Variants in MBNL2 observed in about 807,000 individuals in gnomAD.
MBNL2 encodes the protein muscleblind like splicing regulator 2.
Under a neutral mutation model 41.9 loss-of-function variants are expected in MBNL2, and 17 were observed. That is an observed-to-expected ratio of 0.41 (90% CI 0.28 to 0.61). The LOEUF (loss-of-function observed/expected upper bound fraction) is 0.61. Among genes scored for constraint, MBNL2 ranks in the 20% least tolerant of loss-of-function variants. MBNL2 has a pLI of 0.35. For missense variants in MBNL2, 336 were observed against 505.6 expected, an observed-to-expected ratio of 0.66 and a Z score of 3.22; for synonymous variants, 195 against 182.9, an observed-to-expected ratio of 1.07 and a Z score of -0.53.
At chr13:97,380,195 G>A (rs572690438) in intron 8 of MBNL2, among the ~76,000 whole-genome samples, 49 of 152,168 alleles carry the variant, frequency 3.2e-4, no homozygotes, top group Middle Eastern at 3.4e-3. Flanking sequence ...ACAAATGTAC[G>A]CTAAGAACCC....
intron 2 of MBNL2, among the ~76,000 whole-genome samples, chr13:97,325,235 A>G (rs2059815731): frequency 6.6e-6 from 1 of 152,192 alleles, no homozygotes; most frequent in South Asian, 2.1e-4. Flanking sequence ...CTGAATCTCT[A>G]AAGAACTGAT....
intron 8 of MBNL2, among the ~76,000 whole-genome samples, chr13:97,387,219 A>G (rs2065988193): frequency 6.6e-6 from 1 of 152,118 alleles, no homozygotes; most frequent in Non-Finnish European, 1.5e-5. Flanking sequence ...CTTGTTGAAT[A>G]TCTTTGATTT....
At chr13:97,291,976 G>C (rs546164625) in intron 2 of MBNL2, among the ~76,000 whole-genome samples, 1 of 151,112 alleles carries the variant, frequency 6.6e-6, no homozygotes, top group East Asian at 2.0e-4. Context: ...GCCGAGGTGG[G>C]CGGATAAGGA....
intron 2 of MBNL2, among the ~76,000 whole-genome samples, chr13:97,317,104 G>A (rs562000752): frequency 2.6e-5 from 4 of 152,292 alleles, no homozygotes; most frequent in African/African-American, 9.6e-5. Context: ...AGGGGATGCA[G>A]GAGACAGGGT....
chr13:97,286,040 C>T (rs1419626285), intron 2 of MBNL2, among the ~76,000 whole-genome samples: 1 of 152,216 alleles, frequency 6.6e-6, no homozygotes, highest in South Asian at 2.1e-4. Context: ...AACACTTGGC[C>T]TGCCACATGT....
the MBNL2 span, among the ~76,000 whole-genome samples, chr13:97,156,427 T>A: frequency 6.9e-6 from 1 of 144,308 alleles, no homozygotes; most frequent in African/African-American, 2.6e-5. Flanking sequence ...ATTTTGGCTT[T>A]TGTTGCCATT....
chr13:97,175,207 C>T, the MBNL2 span, among the ~76,000 whole-genome samples: 1 of 152,162 alleles, frequency 6.6e-6, no homozygotes, highest in Non-Finnish European at 1.5e-5. Context: ...ATCGTGGGCT[C>T]TTCCTACCCA....
At chr13:97,205,399 A>C in the MBNL2 span, among the ~76,000 whole-genome samples, 1 of 151,672 alleles carries the variant, frequency 6.6e-6, no homozygotes, top group Non-Finnish European at 1.5e-5. Context: ...AAAAAAAATA[A>C]AAAATAAAAA....
intron 1 of MBNL2, among the ~76,000 whole-genome samples, chr13:97,224,103 TG>T (rs2041222491): frequency 6.6e-6 from 1 of 152,238 alleles, no homozygotes; most frequent in Admixed American, 6.5e-5. Flanking sequence ...GCAGGGCTTC[TG>T]GCTGGGCTGG....
At chr13:97,251,752 C>T (rs939110881) in intron 1 of MBNL2, among the ~76,000 whole-genome samples, 19 of 150,408 alleles carry the variant, frequency 1.3e-4, no homozygotes, top group Admixed American at 2.0e-4. Flanking sequence ...TCTTTATTTT[C>T]CTTAACTTTT....
the MBNL2 span, among the ~76,000 whole-genome samples, chr13:97,194,248 A>G: frequency 3.9e-5 from 6 of 152,240 alleles, no homozygotes; most frequent in Admixed American, 6.5e-5. Flanking sequence ...CTTTTAGAAT[A>G]TAAGTTCCAC....
At chr13:97,161,489 T>G in the MBNL2 span, among the ~76,000 whole-genome samples, 3 of 152,170 alleles carry the variant, frequency 2.0e-5, no homozygotes, top group Non-Finnish European at 4.4e-5. Flanking sequence ...AGTGTGAAAG[T>G]CAAAGGTACT....
chr13:97,356,315 G>C (rs2062979576), intron 5 of MBNL2, among the ~76,000 whole-genome samples: 1 of 151,996 alleles, frequency 6.6e-6, no homozygotes, highest in African/African-American at 2.4e-5. Context: ...TTATTTTTAT[G>C]AAAAATTTCA....
intron 8 of MBNL2, among the ~76,000 whole-genome samples, chr13:97,375,406 G>A (rs1454867233): frequency 6.6e-6 from 1 of 152,232 alleles, no homozygotes; most frequent in Non-Finnish European, 1.5e-5. Context: ...GGGAAAGTAA[G>A]CGCCATGGCA....
chr13:97,214,342 G>T, the MBNL2 span, among the ~76,000 whole-genome samples: 1 of 152,180 alleles, frequency 6.6e-6, no homozygotes, highest in Non-Finnish European at 1.5e-5. Flanking sequence ...CCTTGGCCTT[G>T]TGTCTCAAAC....
At chr13:97,173,490 T>A in the MBNL2 span, among the ~76,000 whole-genome samples, 1 of 152,164 alleles carries the variant, frequency 6.6e-6, no homozygotes, top group Non-Finnish European at 1.5e-5. Context: ...TGACTGCCTT[T>A]CATTTGTCCC....
chr13:97,351,257 A>C (rs369803945), intron 5 of MBNL2, among the ~76,000 whole-genome samples: 23 of 152,318 alleles, frequency 1.5e-4, no homozygotes, highest in East Asian at 1.3e-3. Flanking sequence ...AAATACATAT[A>C]CTGTCATCCA....
At chr13:97,324,938 A>C (rs1427333555) in intron 2 of MBNL2, among the ~76,000 whole-genome samples, 14 of 152,212 alleles carry the variant, frequency 9.2e-5, no homozygotes, top group Non-Finnish European at 1.6e-4. Context: ...GCAGCCGATT[A>C]GATGGTGCCC....
the MBNL2 span, among the ~76,000 whole-genome samples, chr13:97,160,326 A>G: frequency 6.6e-6 from 1 of 152,188 alleles, no homozygotes; most frequent in South Asian, 2.1e-4. Context: ...GGCAAGAAGA[A>G]GCCCCTCCAA....
Sources: gnomAD v4.1 joint callset for allele counts (sites outside exome capture counted in the v4.1 genomes callset) on GRCh38, gnomAD v4.1.1 for gene constraint, MANE v1.5 for transcripts, NCBI Gene and HGNC (gene_info 2026-07-23, HGNC 2026-07-21) for gene names.